PLCH1: variants seen among roughly 807,000 people sequenced by gnomAD.
PLCH1 encodes 1-phosphatidylinositol 4,5-bisphosphate phosphodiesterase eta-1.
A neutral mutation model predicts 126.7 loss-of-function variants in PLCH1; 60 were observed. The observed-to-expected ratio is 0.47, with a 90% confidence interval of 0.38 to 0.59. PLCH1 has a LOEUF of 0.59. Ranked by LOEUF, PLCH1 falls within the 20% of genes least tolerant of loss-of-function variation. PLCH1 has a pLI of 0.00. For missense variants in PLCH1, 1,723 were observed against 2,040.0 expected, an observed-to-expected ratio of 0.84 and a Z score of 2.99; for synonymous variants, 719 against 734.9, an observed-to-expected ratio of 0.98 and a Z score of 0.35.
intron 1 of PLCH1, among the ~76,000 whole-genome samples, chr3:155,725,916 G>T (rs952928866): frequency 3.9e-5 from 6 of 152,046 alleles, no homozygotes; most frequent in African/African-American, 1.2e-4. Flanking sequence ...TTTCCTTGAG[G>T]TTATTTTTCT....
chr3:155,551,084 G>T (rs571095838), intron 9 of PLCH1, among the ~76,000 whole-genome samples: 3 of 152,292 alleles, frequency 2.0e-5, no homozygotes, highest in Admixed American at 1.3e-4. Flanking sequence ...TGACAACCCT[G>T]AGTTGTCCTG....
rs1576811343 is a variant in PLCH1, at chr3:155,490,709, A to G, written c.2392+75T>C. ...TTTTAGAGATTTCTTGCTCTTCTAC[A>G]TAGACACTTTTTTTAGTGTAAATTC... On this transcript the variant is annotated intron_variant, in intron 19 of 22. Coordinates refer to ENST00000460012, the MANE Select transcript of PLCH1 (RefSeq NM_014996.4). 1.6e-5 allele frequency: 14 copies of G among 849,324 alleles called. No individual in the cohort carries two copies. The East Asian group carries it at 3.2e-4, about 19-fold the overall frequency. 52.6% of individuals were successfully genotyped at this position (849,324 alleles called of 1,614,324 possible). A position where few individuals can be genotyped will look rare whatever the true frequency, so the allele number is the denominator to read the frequency against.
rs76519771 is a variant in PLCH1 at position 155,482,282 on chromosome 3, C to T, written c.3744G>A (p.Pro1248=). ...KSKSSFLCSS[P]ELIALSSSET... is the part of the protein sequence containing the mutation. ...CAGAACTCGAGAGTGCTATCAGCTCCGGAGATGAGCACAGGAAGGAAGACT... is the reference window on the plus strand; with the variant it reads ...CAGAACTCGAGAGTGCTATCAGCTCTGGAGATGAGCACAGGAAGGAAGACT... Residue 1248 remains proline (P), a synonymous_variant, in exon 23 of 23, where the codon CCG becomes CCA. Transcript: ENST00000460012. 14,551 of 1,614,078 alleles carry T rather than the reference C, an allele frequency of 9.0e-3. 1,322 individuals are homozygous for T. The Admixed American group carries it at 0.18, about 20-fold the overall frequency.
chr3:155,567,441 A>G (rs1034860110), intron 7 of PLCH1, among the ~76,000 whole-genome samples: 4 of 152,152 alleles, frequency 2.6e-5, no homozygotes, highest in African/African-American at 7.2e-5. Flanking sequence ...AATAGATGGT[A>G]TTAAACCCCC....
intron 21 of PLCH1, among the ~76,000 whole-genome samples, chr3:155,460,622 T>G (rs906565193): frequency 9.9e-5 from 15 of 152,170 alleles, no homozygotes; most frequent in African/African-American, 2.7e-4. Flanking sequence ...AAGCAATATC[T>G]CCTCCCAAGA....
chr3:155,506,350 T>C (rs1718701152), intron 12 of PLCH1, among the ~76,000 whole-genome samples: 1 of 151,394 alleles, frequency 6.6e-6, no homozygotes, highest in African/African-American at 2.4e-5. Context: ...ACTCTCTTTT[T>C]TTTTTTTTTT....
chr3:155,547,048 T>C (rs2108433055), intron 10 of PLCH1, among the ~76,000 whole-genome samples: 1 of 146,950 alleles, frequency 6.8e-6, no homozygotes, highest in African/African-American at 2.5e-5. Context: ...TGGGATCTAA[T>C]TAAACTAAAG....
intron 1 of PLCH1, among the ~76,000 whole-genome samples, chr3:155,730,283 T>G (rs1401143375): frequency 2.4e-5 from 2 of 84,576 alleles, no homozygotes; most frequent in East Asian, 2.8e-4. Context: ...AAATGATTAG[T>G]TTTTTTTTTT....
chr3:155,564,347 G>A (rs1728027746), intron 8 of PLCH1, among the ~76,000 whole-genome samples: 1 of 152,100 alleles, frequency 6.6e-6, no homozygotes, highest in South Asian at 2.1e-4. Context: ...GGTGGATCAT[G>A]AGGTCAGAGA....
intron 4 of PLCH1, among the ~76,000 whole-genome samples, chr3:155,588,220 A>T (rs1041632305): frequency 2.0e-5 from 3 of 152,178 alleles, no homozygotes; most frequent in Admixed American, 2.0e-4. Context: ...TAAAACTTTT[A>T]AAATAACTAG....
At position 155,596,335 on chromosome 3, in the gene PLCH1, G is replaced by A; in HGVS notation, c.123C>T (p.Ile41=). 6.2e-7 allele frequency: 1 copy of A among 1,613,574 alleles called. No individual in the cohort carries two copies. The highest frequency in any genetic ancestry group is 8.5e-7 in the Non-Finnish European group (1 of 1,179,634). The change falls in exon 3 of 23, where the codon ATC becomes ATT. Residue 41 remains isoleucine, a synonymous_variant. Coordinates refer to ENST00000460012, the MANE Select transcript of PLCH1 (RefSeq NM_014996.4). ...GCCCTTTGGTTCCACGTTTCAGCTTGATCATCTGTGTCCCGGACTGCATCA... is the reference window on the plus strand; with the variant it reads ...GCCCTTTGGTTCCACGTTTCAGCTTAATCATCTGTGTCCCGGACTGCATCA... ...MSVMQSGTQM[I]KLKRGTKGLV...
At chr3:155,721,892 A>G (rs1443732255) in intron 1 of PLCH1, among the ~76,000 whole-genome samples, 2 of 152,068 alleles carry the variant, frequency 1.3e-5, no homozygotes, top group African/African-American at 2.4e-5. Flanking sequence ...TACTAAAAAT[A>G]CAAAATTAGC....
intron 4 of PLCH1, among the ~76,000 whole-genome samples, chr3:155,593,215 T>C (rs1409844556): frequency 6.6e-6 from 1 of 152,176 alleles, no homozygotes; most frequent in Non-Finnish European, 1.5e-5. Flanking sequence ...ACCCTCACTT[T>C]ACAGATAAGG....
intron 8 of PLCH1, among the ~76,000 whole-genome samples, chr3:155,556,214 G>A (rs1726798459): frequency 6.6e-6 from 1 of 152,188 alleles, no homozygotes; most frequent in Non-Finnish European, 1.5e-5. Context: ...TTAGCTGTGT[G>A]TGGTGGCGGA....
chr3:155,619,498 TA>T lies in PLCH1; in HGVS notation c.80-23121del, dbSNP rs1553857946. Among the ~76,000 whole-genome samples, 846 of 133,404 alleles carry T rather than the reference TA, an allele frequency of 6.3e-3. 3 individuals carry two copies. Among genetic ancestry groups the T allele is most frequent in the African/African-American group, 0.015 (588 of 37,938 alleles). 87.5% of individuals were successfully genotyped at this position (133,404 alleles called of 152,430 possible). On this transcript the variant is annotated intron_variant, in intron 2 of 22. Coordinates refer to ENST00000460012, the MANE Select transcript of PLCH1 (RefSeq NM_014996.4). The stretch of plus-strand genomic sequence containing the variant: ...TTTTTCAAAACAAAAACAGAAAAAG[TA>T]AAAAAAAAAAAAAAGAAGAAAAAGA...
chr3:155,578,741 A>T (rs561656568), intron 6 of PLCH1, among the ~76,000 whole-genome samples: 103 of 152,340 alleles, frequency 6.8e-4, no homozygotes, highest in Admixed American at 1.8e-3. Context: ...TACAGATTTG[A>T]TGCAGTTTAG....
rs1339728915 is a variant in PLCH1 at position 155,675,742 on chromosome 3, AT to A, written c.79+28403del. Among the ~76,000 whole-genome samples the A allele has an allele frequency of 2.6e-5, 4 of 152,308 alleles. No individual in the cohort carries two copies. In the East Asian group the frequency reaches 7.7e-4, roughly 29 times the overall value. ...AATACAAATTATTTTCTCACTGACCATTTTAATATAATGATATACTTTCAGT... is the reference window on the plus strand; with the variant it reads ...AATACAAATTATTTTCTCACTGACCATTTAATATAATGATATACTTTCAGT... On this transcript the variant is annotated intron_variant, in intron 2 of 22. Coordinates refer to ENST00000460012, the MANE Select transcript of PLCH1 (RefSeq NM_014996.4).
chr3:155,537,223 A>AAAAAC (rs1723542018), intron 10 of PLCH1, among the ~76,000 whole-genome samples: 5 of 10,772 alleles, frequency 4.6e-4, no homozygotes, highest in Non-Finnish European at 4.0e-3. Context: ...AAAAAAAAAA[A>AAAAAC]AAAAAAAAAA....
intron 2 of PLCH1, among the ~76,000 whole-genome samples, chr3:155,673,048 C>CTTTTTTTTT (rs66672315): frequency 1.5e-5 from 1 of 68,224 alleles, no homozygotes; most frequent in Non-Finnish European, 2.6e-5. Context: ...CTTCTGTTGC[C>CTTTTTTTTT]TTTTTTTTTT....
Sources: gnomAD v4.1 joint callset for allele counts (sites outside exome capture counted in the v4.1 genomes callset) on GRCh38, gnomAD v4.1.1 for gene constraint, MANE v1.5 for transcripts, NCBI Gene and HGNC (gene_info 2026-07-23, HGNC 2026-07-21) for gene names.